SGCZ: variants seen among roughly 807,000 people sequenced by gnomAD.
SGCZ encodes the protein zeta-sarcoglycan.
A neutral mutation model predicts 41.3 loss-of-function variants in SGCZ; 40 were observed. The ratio of observed to expected loss-of-function variants is 0.97; its 90% CI spans 0.75 to 1.26. The LOEUF is 1.26. SGCZ is among the 50% of genes most tolerant of loss of function. The pLI, the probability that SGCZ is intolerant of heterozygous loss-of-function variation, is 0.00. For synonymous variants in SGCZ, 206 were observed against 137.5 expected (o/e 1.50, Z -3.49); for missense variants, 552 against 369.8 (o/e 1.49, Z -4.04).
At chr8:14,420,666 C>T (rs775263131) in intron 2 of SGCZ, among the ~76,000 whole-genome samples, 5 of 151,984 alleles carry the variant, frequency 3.3e-5, no homozygotes, top group Non-Finnish European at 7.4e-5. Flanking sequence ...AGCAATAGAA[C>T]TGGAGAAATA....
chr8:15,023,352 G>A (rs1268261194), intron 1 of SGCZ, among the ~76,000 whole-genome samples: 2 of 152,278 alleles, frequency 1.3e-5, no homozygotes, highest in East Asian at 1.9e-4. Flanking sequence ...TTCCCAAGCA[G>A]GTGAAATGTG....
chr8:14,947,530 C>T (rs1389241126), intron 1 of SGCZ, among the ~76,000 whole-genome samples: 1 of 152,108 alleles, frequency 6.6e-6, no homozygotes, highest in Non-Finnish European at 1.5e-5. Context: ...AGGTAAGGGA[C>T]AGTGTTGAGG....
At chr8:14,456,576 G>C (rs1308453263) in intron 2 of SGCZ, among the ~76,000 whole-genome samples, 1 of 152,096 alleles carries the variant, frequency 6.6e-6, no homozygotes, top group Non-Finnish European at 1.5e-5. Context: ...GGACAAATCA[G>C]ACTTTAACGA....
chr8:15,156,848 G>A (rs1326648784), intron 1 of SGCZ, among the ~76,000 whole-genome samples: 2 of 151,720 alleles, frequency 1.3e-5, no homozygotes, highest in Admixed American at 1.3e-4. Flanking sequence ...AGGAGGCTGA[G>A]GCAGGAGATT....
intron 4 of SGCZ, among the ~76,000 whole-genome samples, chr8:14,232,810 G>A (rs1490024639): frequency 1.3e-5 from 2 of 151,900 alleles, no homozygotes; most frequent in African/African-American, 4.8e-5. Context: ...CAAATTTATT[G>A]AGCATTAAAC....
chr8:15,070,921 G>C (rs1805328604), intron 1 of SGCZ, among the ~76,000 whole-genome samples: 1 of 152,128 alleles, frequency 6.6e-6, no homozygotes, highest in African/African-American at 2.4e-5. Context: ...CAATTTATTA[G>C]AGTGCTCAGT....
chr8:14,683,533 C>G (rs373250871), intron 1 of SGCZ, among the ~76,000 whole-genome samples: 1 of 152,036 alleles, frequency 6.6e-6, no homozygotes, highest in South Asian at 2.1e-4. Flanking sequence ...ATAACTTCTT[C>G]CCAAATTCAT....
intron 3 of SGCZ, among the ~76,000 whole-genome samples, chr8:14,320,698 C>G (rs1160763707): frequency 3.3e-5 from 5 of 152,034 alleles, no homozygotes; most frequent in African/African-American, 9.7e-5. Flanking sequence ...GACTGATGTG[C>G]TTAACTGTGG....
intron 5 of SGCZ, among the ~76,000 whole-genome samples, chr8:14,162,962 C>T (rs1000945381): frequency 2.0e-5 from 3 of 152,296 alleles, no homozygotes; most frequent in Admixed American, 2.0e-4. Flanking sequence ...CCTTGACCTC[C>T]TGGGCTCAAG....
intron 2 of SGCZ, among the ~76,000 whole-genome samples, chr8:14,479,289 G>A (rs112730809): frequency 3.8e-4 from 1 of 2,610 alleles, no homozygotes; most frequent in Admixed American, 0.028. Flanking sequence ...GCAGTCTAAC[G>A]TTCAACGGCA....
chr8:14,310,773 C>A (rs1253222836), intron 3 of SGCZ, among the ~76,000 whole-genome samples: 1 of 152,054 alleles, frequency 6.6e-6, no homozygotes. Flanking sequence ...ATTATGTCTT[C>A]TTTTGTGGTG....
intron 1 of SGCZ, among the ~76,000 whole-genome samples, chr8:14,725,414 A>C (rs1810017400): frequency 6.6e-6 from 1 of 152,186 alleles, no homozygotes; most frequent in Admixed American, 6.5e-5. Context: ...CGTTTTCCTT[A>C]TGACTATACT....
chr8:14,996,849 G>A (rs896945132), intron 1 of SGCZ, among the ~76,000 whole-genome samples: 6 of 152,146 alleles, frequency 3.9e-5, no homozygotes, highest in Non-Finnish European at 5.9e-5. Context: ...TTGGATCCTT[G>A]GCCAACTTGA....
At chr8:14,668,914 T>A (rs1303231410) in intron 1 of SGCZ, among the ~76,000 whole-genome samples, 4 of 124,496 alleles carry the variant, frequency 3.2e-5, no homozygotes, top group Non-Finnish European at 4.8e-5. Context: ...ACTCAGTTAT[T>A]TTCTTGTGTG....
intron 1 of SGCZ, among the ~76,000 whole-genome samples, chr8:15,050,559 T>C (rs1804475671): frequency 6.6e-6 from 1 of 152,094 alleles, no homozygotes; most frequent in Non-Finnish European, 1.5e-5. Flanking sequence ...GTATGCGCAG[T>C]TGAAGCCAAG....
chr8:14,770,741 C>T (rs1180672486), intron 1 of SGCZ, among the ~76,000 whole-genome samples: 1 of 151,898 alleles, frequency 6.6e-6, no homozygotes, highest in East Asian at 1.9e-4. Flanking sequence ...TATCTGCCAC[C>T]AAAAGTTCAT....
chr8:15,068,065 C>T (rs569564927), intron 1 of SGCZ, among the ~76,000 whole-genome samples: 3 of 152,236 alleles, frequency 2.0e-5, no homozygotes, highest in South Asian at 2.1e-4. Context: ...ATAGGACATA[C>T]GAGCAGTGCC....
At chr8:14,108,314 A>G in intron 5 of SGCZ, 79 bp from the exon 6 acceptor site, 4 of 1,299,552 alleles carry the variant, frequency 3.1e-6, no homozygotes, top group Admixed American at 1.9e-5. Context: ...TGCATCAAAT[A>G]TTCTTCCAAA....
At chr8:14,214,223 C>A (rs759744525) in intron 4 of SGCZ, among the ~76,000 whole-genome samples, 1 of 152,158 alleles carries the variant, frequency 6.6e-6, no homozygotes, top group African/African-American at 2.4e-5. Context: ...AAATCCCAAT[C>A]GAAGGGCAGT....
Sources: allele counts gnomAD v4.1 joint callset (sites outside exome capture counted in the v4.1 genomes callset), GRCh38; gene constraint gnomAD v4.1.1; transcripts MANE v1.5; gene names NCBI Gene and HGNC (gene_info 2026-07-23, HGNC 2026-07-21).